Variants in PDE1A observed in about 807,000 individuals in gnomAD.
PDE1A encodes dual specificity calcium/calmodulin-dependent 3',5'-cyclic nucleotide phosphodiesterase 1A.
A neutral mutation model predicts 61.7 loss-of-function variants in PDE1A; 35 were observed. The observed-to-expected ratio is 0.57, with a 90% CI of 0.43 to 0.75. The LOEUF (loss-of-function observed/expected upper bound fraction) is 0.75, where lower values mean the gene tolerates loss of function less well. PDE1A is among the 30% of genes least tolerant of loss of function. PDE1A has a pLI of 0.00. For missense variants in PDE1A, 597 were observed against 630.6 expected, an observed-to-expected ratio of 0.95 and a Z score of 0.57; for synonymous variants, 232 against 213.2, an observed-to-expected ratio of 1.09 and a Z score of -0.77.
intron 1 of PDE1A, among the ~76,000 whole-genome samples, chr2:182,422,346 C>T (rs1290493998): frequency 6.6e-6 from 1 of 152,118 alleles, no homozygotes; most frequent in East Asian, 1.9e-4. Flanking sequence ...TTTTCACTGC[C>T]TACTTCTGGA....
chr2:182,564,846 G>A, the PDE1A span, among the ~76,000 whole-genome samples: 10 of 151,974 alleles, frequency 6.6e-5, no homozygotes, highest in South Asian at 2.1e-4. Context: ...TGATCGCATC[G>A]GCTCCTGAGG....
intron 1 of PDE1A, among the ~76,000 whole-genome samples, chr2:182,395,347 T>G (rs548863317): frequency 6.6e-6 from 1 of 152,198 alleles, no homozygotes; most frequent in South Asian, 2.1e-4. Context: ...GATGACAGTA[T>G]GCTGATTGGA....
the PDE1A span, among the ~76,000 whole-genome samples, chr2:182,608,550 G>A: frequency 3.3e-5 from 5 of 152,302 alleles, no homozygotes; most frequent in East Asian, 9.7e-4. Context: ...CCCGGCACTC[G>A]GAGCCGCGCC....
At chr2:182,451,591 A>G (rs1685525693) in intron 2 of PDE1A, among the ~76,000 whole-genome samples, 1 of 152,044 alleles carries the variant, frequency 6.6e-6, no homozygotes, top group South Asian at 2.1e-4. Flanking sequence ...AATTAATCTG[A>G]AATTTATTAT....
At chr2:182,280,850 T>C (rs1292923555) in intron 1 of PDE1A, among the ~76,000 whole-genome samples, 1 of 151,924 alleles carries the variant, frequency 6.6e-6, no homozygotes, top group African/African-American at 2.4e-5. Context: ...CCTGACTAAA[T>C]TGGCAAAATG....
intron 2 of PDE1A, among the ~76,000 whole-genome samples, chr2:182,504,339 C>T (rs932838759): frequency 6.6e-6 from 1 of 152,090 alleles, no homozygotes; most frequent in African/African-American, 2.4e-5. Context: ...CTGGTAGATA[C>T]AACCAAATTA....
At chr2:182,297,843 G>GT (rs1306109879) in intron 1 of PDE1A, among the ~76,000 whole-genome samples, 1 of 152,182 alleles carries the variant, frequency 6.6e-6, no homozygotes. Flanking sequence ...TGAGGTGTGT[G>GT]TTCCATACTG....
At chr2:182,369,197 C>T (rs1699999515) in intron 1 of PDE1A, among the ~76,000 whole-genome samples, 1 of 152,164 alleles carries the variant, frequency 6.6e-6, no homozygotes, top group Non-Finnish European at 1.5e-5. Context: ...TCTCTAGTCA[C>T]ATCCCCAAAA....
chr2:182,169,904 A>ACACACACG (rs1456920743), intron 13 of PDE1A, among the ~76,000 whole-genome samples: 3 of 74,066 alleles, frequency 4.1e-5, no homozygotes, highest in African/African-American at 1.4e-4. Context: ...ACACACACAC[A>ACACACACG]CACACACACA....
At chr2:182,692,357 A>G in the PDE1A span, among the ~76,000 whole-genome samples, 5 of 152,154 alleles carry the variant, frequency 3.3e-5, no homozygotes, top group African/African-American at 1.2e-4. Flanking sequence ...TGATGAGTTC[A>G]TGTCCTTTGT....
chr2:182,595,400 T>G, the PDE1A span, among the ~76,000 whole-genome samples: 1 of 152,230 alleles, frequency 6.6e-6, no homozygotes, highest in Admixed American at 6.5e-5. Context: ...AAGATTCTCC[T>G]GTGCCCAAAA....
chr2:182,455,729 G>T (rs1455830737), intron 2 of PDE1A, among the ~76,000 whole-genome samples: 2 of 152,054 alleles, frequency 1.3e-5, no homozygotes, highest in South Asian at 2.1e-4. Context: ...GACACAGGAA[G>T]GGGAACATCA....
chr2:182,446,006 C>A (rs1685106656), intron 2 of PDE1A, among the ~76,000 whole-genome samples: 1 of 152,066 alleles, frequency 6.6e-6, no homozygotes, highest in Non-Finnish European at 1.5e-5. Context: ...TTTATCACTA[C>A]TTAAAATGCT....
chr2:182,158,323 TA>T, intron 13 of PDE1A, among the ~76,000 whole-genome samples: 2 of 152,230 alleles, frequency 1.3e-5, no homozygotes, highest in South Asian at 4.1e-4. Flanking sequence ...TGTAACAGGT[TA>T]ACTGTCCTGA....
chr2:182,603,249 T>C, the PDE1A span, among the ~76,000 whole-genome samples: 1 of 152,246 alleles, frequency 6.6e-6, no homozygotes, highest in East Asian at 1.9e-4. Context: ...TCATCAGTTT[T>C]GCTGATATTC....
chr2:182,180,294 T>C (rs1684645299), intron 13 of PDE1A, among the ~76,000 whole-genome samples: 1 of 152,194 alleles, frequency 6.6e-6, no homozygotes, highest in African/African-American at 2.4e-5. Flanking sequence ...AAATGAACTT[T>C]TGTGTGTCTA....
intron 2 of PDE1A, among the ~76,000 whole-genome samples, chr2:182,448,369 GA>G (rs1366803813): frequency 6.6e-6 from 1 of 151,756 alleles, no homozygotes; most frequent in African/African-American, 2.4e-5. Flanking sequence ...AGATTTTAAA[GA>G]CTGGTAGTTT....
intron 1 of PDE1A, among the ~76,000 whole-genome samples, chr2:182,265,068 G>A (rs563283314): frequency 7.3e-5 from 11 of 151,554 alleles, no homozygotes; most frequent in East Asian, 2.0e-4. Context: ...AGAATGCAAA[G>A]GCATCTGAAT....
chr2:182,364,982 C>T (rs140432047), intron 1 of PDE1A, among the ~76,000 whole-genome samples: 1,899 of 152,104 alleles, frequency 0.012, 23 homozygotes, highest in South Asian at 0.048. Context: ...TAAAAACTGA[C>T]AGCTAATAGT....
Sources: gnomAD v4.1 joint callset for allele counts (sites outside exome capture counted in the v4.1 genomes callset) on GRCh38, gnomAD v4.1.1 for gene constraint, MANE v1.5 for transcripts, NCBI Gene and HGNC (gene_info 2026-07-23, HGNC 2026-07-21) for gene names.